The following UBE2E2 variants were observed in gnomAD, a reference collection of about 807,000 sequenced individuals.
UBE2E2 encodes ubiquitin conjugating enzyme E2 E2, also known as ubiquitin-conjugating enzyme E2 E2.
Under a neutral mutation model 24.7 loss-of-function variants are expected in UBE2E2, and 6 were observed. The ratio of observed to expected loss-of-function variants is 0.24; its 90% CI spans 0.13 to 0.48. UBE2E2 has a LOEUF of 0.48. Among genes scored for constraint, UBE2E2 ranks in the 20% least tolerant of loss-of-function variants. The pLI is 0.99. For synonymous variants in UBE2E2, 104 were observed against 83.6 expected (o/e 1.24, Z -1.33); for missense variants, 169 against 245.0 (o/e 0.69, Z 2.07).
intron 3 of UBE2E2, among the ~76,000 whole-genome samples, chr3:23,297,793 C>A: frequency 6.6e-6 from 1 of 152,042 alleles, no homozygotes; most frequent in East Asian, 1.9e-4. Context: ...TCCATATGAA[C>A]TTTAAAGTAG....
chr3:23,546,460 A>ATTTTTTTT (rs899923576), intron 5 of UBE2E2, among the ~76,000 whole-genome samples: 22 of 76,882 alleles, frequency 2.9e-4, no homozygotes, highest in East Asian at 4.6e-4. Flanking sequence ...GAACATTTAG[A>ATTTTTTTT]TTTTTTTTTT....
At chr3:23,462,421 C>T (rs1239836492) in intron 3 of UBE2E2, among the ~76,000 whole-genome samples, 16 of 152,112 alleles carry the variant, frequency 1.1e-4, no homozygotes, top group Admixed American at 1.0e-3. Flanking sequence ...CTACTTAGTC[C>T]TTTATTGATA....
chr3:23,430,729 C>T (rs959033614), intron 3 of UBE2E2, among the ~76,000 whole-genome samples: 1 of 152,052 alleles, frequency 6.6e-6, no homozygotes, highest in Admixed American at 6.5e-5. Flanking sequence ...CTATGTTGCC[C>T]AGGTTGGTCT....
Position 23,451,285 on chromosome 3 carries a change from T to A in UBE2E2, c.228-48323T>A, listed in dbSNP as rs533171180. Among the ~76,000 whole-genome samples, 6 of 152,334 alleles carry A rather than the reference T, an allele frequency of 3.9e-5. No homozygotes were observed. The South Asian group carries it at 1.2e-3, about 32-fold the overall frequency. On this transcript the variant is annotated intron_variant, in intron 3 of 5. Coordinates refer to ENST00000396703, the MANE Select transcript of UBE2E2 (RefSeq NM_152653.4). Reference sequence around the variant, plus strand: ...AAATTTGTCCTGCTATCCATTTAGATTCATTAATTTAGCTGTATATGCATC... The same window carrying A: ...AAATTTGTCCTGCTATCCATTTAGAATCATTAATTTAGCTGTATATGCATC...
intron 3 of UBE2E2, among the ~76,000 whole-genome samples, chr3:23,350,595 G>T (rs1695715426): frequency 6.6e-6 from 1 of 152,182 alleles, no homozygotes; most frequent in Non-Finnish European, 1.5e-5. Context: ...GAATACAGAA[G>T]CCTCAGGAGC....
intron 3 of UBE2E2, among the ~76,000 whole-genome samples, chr3:23,425,029 G>A (rs1190024444): frequency 6.6e-6 from 1 of 152,014 alleles, no homozygotes; most frequent in African/African-American, 2.4e-5. Flanking sequence ...GTATAATAAA[G>A]ACTTTAAATC....
At chr3:23,242,522 A>G (rs1282556081) in intron 3 of UBE2E2, among the ~76,000 whole-genome samples, 1 of 151,890 alleles carries the variant, frequency 6.6e-6, no homozygotes. Flanking sequence ...AAGAATTCAA[A>G]TGTCACAGGA....
chr3:23,425,080 C>A (rs1697893346), intron 3 of UBE2E2, among the ~76,000 whole-genome samples: 1 of 152,066 alleles, frequency 6.6e-6, no homozygotes, highest in Admixed American at 6.6e-5. Context: ...TAACTATACC[C>A]CCACCAAACA....
chr3:23,415,388 C>T (rs977023188), intron 3 of UBE2E2, among the ~76,000 whole-genome samples: 3 of 152,126 alleles, frequency 2.0e-5, no homozygotes, highest in African/African-American at 7.2e-5. Flanking sequence ...CAACTCTGAT[C>T]CATCAGTGGG....
At chr3:23,234,467 G>T (rs1423995601) in intron 3 of UBE2E2, among the ~76,000 whole-genome samples, 1 of 152,198 alleles carries the variant, frequency 6.6e-6, no homozygotes, top group Non-Finnish European at 1.5e-5. Context: ...AGCCCCATCA[G>T]CTGGGAATCC....
At chr3:23,279,723 G>A (rs1698446244) in intron 3 of UBE2E2, among the ~76,000 whole-genome samples, 1 of 152,180 alleles carries the variant, frequency 6.6e-6, no homozygotes, top group Non-Finnish European at 1.5e-5. Context: ...CAAGGTGGGG[G>A]TGTTCTTGTT....
In UBE2E2 at chr3:23,515,487, A is replaced by T. The variant is rs540972373; in HGVS notation, c.360+15747A>T. On this transcript the variant is annotated intron_variant, in intron 4 of 5. Transcript: ENST00000396703. The stretch of plus-strand genomic sequence containing the variant: ...TAGGTTTATCAAGCTACAGAATGAC[A>T]ATGTTTTTAAATGTGAAAAATACAA... 2.6e-4 allele frequency among the ~76,000 whole-genome samples: 40 copies of T among 152,242 alleles called. No individual in the cohort carries two copies. In the South Asian group the frequency reaches 6.6e-3, roughly 25 times the overall value.
chr3:23,551,951 T>C (rs1404031149), intron 5 of UBE2E2, among the ~76,000 whole-genome samples: 7 of 152,190 alleles, frequency 4.6e-5, no homozygotes, highest in Non-Finnish European at 8.8e-5. Flanking sequence ...CCTGATCCAA[T>C]GGGATTCATG....
intron 3 of UBE2E2, among the ~76,000 whole-genome samples, chr3:23,379,019 A>C (rs1419971836): frequency 6.6e-6 from 1 of 152,186 alleles, no homozygotes; most frequent in African/African-American, 2.4e-5. Flanking sequence ...CAGTGACTGA[A>C]GTATTTTCTT....
chr3:23,315,398 T>C (rs989913813), intron 3 of UBE2E2, among the ~76,000 whole-genome samples: 8 of 152,024 alleles, frequency 5.3e-5, no homozygotes, highest in African/African-American at 1.9e-4. Flanking sequence ...TGATGAATTC[T>C]ATTATGAGAC....
At chr3:23,216,586 G>A (rs141795264) in intron 2 of UBE2E2, among the ~76,000 whole-genome samples, 2 of 152,082 alleles carry the variant, frequency 1.3e-5, no homozygotes, top group African/African-American at 4.8e-5. Context: ...GAAAACAGTG[G>A]CGCACTTTCA....
intron 3 of UBE2E2, among the ~76,000 whole-genome samples, chr3:23,412,897 T>C (rs986665928): frequency 4.6e-5 from 7 of 152,226 alleles, no homozygotes; most frequent in African/African-American, 1.4e-4. Flanking sequence ...AGCATTATCA[T>C]TCCTTTTTAT....
chr3:23,323,668 C>T, intron 3 of UBE2E2: 1 of 295,784 alleles, frequency 3.4e-6, no homozygotes, highest in South Asian at 2.7e-5. Flanking sequence ...CAGATAAGGG[C>T]TATTCAACTT....
Position 23,430,649 on chromosome 3 carries a change from G to A in UBE2E2, c.228-68959G>A, listed in dbSNP as rs73041583. Among the ~76,000 whole-genome samples, 674 of 152,056 alleles carry A rather than the reference G, an allele frequency of 4.4e-3. 2 individuals carry two copies. The highest frequency in any genetic ancestry group is 7.2e-3 in the Non-Finnish European group (487 of 67,962). ...TCTTCCTGTCTTATCCTCCTGAGTA[G>A]CTAGGACTACAGGCATGTGCCACTG... On this transcript the variant is annotated intron_variant, in intron 3 of 5. Transcript: ENST00000396703.
Sources: gnomAD v4.1 joint callset for allele counts (sites outside exome capture counted in the v4.1 genomes callset) on GRCh38, gnomAD v4.1.1 for gene constraint, MANE v1.5 for transcripts, NCBI Gene and HGNC (gene_info 2026-07-23, HGNC 2026-07-21) for gene names.